The following MTERF4 variants were observed in gnomAD, a reference collection of about 807,000 sequenced individuals.
The protein encoded by MTERF4 is mitochondrial transcription termination factor 4.
In MTERF4, 17 loss-of-function variants were observed where a neutral mutation model predicts 22.5. The ratio of observed to expected loss-of-function variants is 0.75; its 90% CI spans 0.52 to 1.13. MTERF4 has a LOEUF of 1.13. MTERF4 is among the 50% of genes most tolerant of loss of function. MTERF4 has a pLI of 0.00. For missense variants in MTERF4, 420 were observed against 466.8 expected, an observed-to-expected ratio of 0.90 and a Z score of 0.92; for synonymous variants, 165 against 175.3, an observed-to-expected ratio of 0.94 and a Z score of 0.47.
the MTERF4 span, among the ~76,000 whole-genome samples, chr2:241,042,854 C>T: frequency 2.0e-5 from 3 of 152,162 alleles, no homozygotes; most frequent in Non-Finnish European, 4.4e-5. Flanking sequence ...AAGAGATCTT[C>T]AGCAACCTGC....
At chr2:241,045,701 A>G in the MTERF4 span, among the ~76,000 whole-genome samples, 1 of 147,546 alleles carries the variant, frequency 6.8e-6, no homozygotes, top group Non-Finnish European at 1.5e-5. Flanking sequence ...GATTTTTAGA[A>G]GAAAACATAG....
At chr2:241,097,903 G>A (rs539135756) in intron 2 of MTERF4, among the ~76,000 whole-genome samples, 5 of 152,162 alleles carry the variant, frequency 3.3e-5, no homozygotes, top group South Asian at 4.1e-4. Context: ...CATCACCATC[G>A]TCATCATAAC....
At chr2:241,090,203 A>C, downstream of MTERF4, 3 of 1,473,746 alleles carry the variant, frequency 2.0e-6, no homozygotes, top group Non-Finnish European at 2.7e-6. Context: ...CTGTTTTTAA[A>C]ATTTTTAATT....
the MTERF4 span, chr2:241,065,461 A>T: frequency 1.2e-6 from 2 of 1,613,032 alleles, no homozygotes; most frequent in Non-Finnish European, 1.7e-6. Flanking sequence ...GACTTTGTGG[A>T]CAGGACCCGC....
the MTERF4 span, chr2:241,065,679 TCATGCCGTC>T: frequency 8.3e-7 from 1 of 1,200,148 alleles, no homozygotes; most frequent in Non-Finnish European, 1.2e-6. Context: ...AGGGCGGCTG[TCATGCCGTC>T]CACCCTCCTA....
chr2:241,065,189 G>A, the MTERF4 span: 7 of 1,131,564 alleles, frequency 6.2e-6, no homozygotes, highest in Non-Finnish European at 8.8e-6. Context: ...TGCCAGCGAT[G>A]GCTGTGTCAG....
At position 241,096,332 on chromosome 2, in the gene MTERF4, A is replaced by G; in HGVS notation, c.812T>C (p.Leu271Pro). 6.2e-7 allele frequency: 1 copy of G among 1,614,214 alleles called. No individual in the cohort carries two copies. The highest frequency in any genetic ancestry group is 8.5e-7 in the Non-Finnish European group (1 of 1,180,050). Residue 271 changes from leucine (L) to proline (P), a missense_variant, in exon 4 of 4, where the codon CTG becomes CCG. Leu to Pro is a moderately conservative substitution (Grantham distance 98, BLOSUM62 -3). Coordinates refer to ENST00000391980, the MANE Select transcript of MTERF4 (RefSeq NM_182501.4). This position sits in a 1 kb window ranked among gnomAD's most constrained non-coding sequence, Gnocchi z 5.1. The part of the protein sequence containing the change: ...IKQRHIYLER[L>P]GRYQTPDKKG... ...CTTATCAGGGGTTTGGTACCGTCCC[A>G]GGCGCTCCAGGTAAATGTGTCTCTG...
chr2:241,048,883 C>G, the MTERF4 span: 3 of 1,178,676 alleles, frequency 2.5e-6, no homozygotes, highest in Non-Finnish European at 3.7e-6. Flanking sequence ...GTTCTACCCC[C>G]ACCCAGGAGG....
intron 4 of MTERF4, chr2:241,081,630 C>T: frequency 7.2e-7 from 1 of 1,386,578 alleles, no homozygotes; most frequent in Non-Finnish European, 1.0e-6. Flanking sequence ...TGAGGCAGGC[C>T]TGTCCTGGGG....
In MTERF4 at chr2:241,096,529, G is replaced by T; in HGVS notation, c.706-91C>A. On this transcript the variant is annotated intron_variant, in intron 3 of 3. Transcript: ENST00000391980. This position sits in a 1 kb window ranked among gnomAD's most constrained non-coding sequence, Gnocchi z 5.1. Reference sequence around the variant, plus strand: ...CATAAAAACTTAAGTTGTACAAAAGGATTCAAAAAGAATTGCCTAATTGAC... The same window carrying T: ...CATAAAAACTTAAGTTGTACAAAAGTATTCAAAAAGAATTGCCTAATTGAC... 7.1e-7 allele frequency: 1 copy of T among 1,413,388 alleles called. No individual in the cohort carries two copies. The highest frequency in any genetic ancestry group is 1.0e-6 in the Non-Finnish European group (1 of 1,000,752). The allele number at this position is 1,413,388 out of a possible 1,614,324, so 87.6% of individuals were successfully genotyped here.
chr2:241,066,910 G>A, the MTERF4 span, among the ~76,000 whole-genome samples: 3 of 152,208 alleles, frequency 2.0e-5, no homozygotes, highest in Non-Finnish European at 2.9e-5. Context: ...CCACCAAGGG[G>A]CTGGAGTTCC....
intron 4 of MTERF4, among the ~76,000 whole-genome samples, chr2:241,077,873 G>T (rs1384620143): frequency 6.6e-6 from 1 of 152,160 alleles, no homozygotes; most frequent in Non-Finnish European, 1.5e-5. Context: ...TACGCTGCTG[G>T]TGGGACTGTA....
the MTERF4 span, among the ~76,000 whole-genome samples, chr2:241,047,309 A>G: frequency 6.6e-6 from 1 of 152,352 alleles, no homozygotes; most frequent in African/African-American, 2.4e-5. Context: ...TCCAGAAGAC[A>G]TAACTCTAGA....
chr2:241,095,757 T>C lies in MTERF4; in HGVS notation c.*241A>G, dbSNP rs2064370198. 3.4e-6 allele frequency: 2 copies of C among 587,320 alleles called. No individual in the cohort carries two copies. The highest frequency in any genetic ancestry group is 2.9e-5 in the East Asian group (1 of 34,516). 36.4% of individuals were successfully genotyped at this position (587,320 alleles called of 1,614,324 possible). ...TGAATAGCTCAACATAAGTATCTTA[T>C]TCAGGATGGGACAGGGCCCTCCCCA... is the stretch of plus-strand genomic sequence containing the variant. On this transcript the variant is annotated 3_prime_UTR_variant, in exon 4 of 4. Transcript: ENST00000391980.
At chr2:241,053,729 C>T in the MTERF4 span, among the ~76,000 whole-genome samples, 1 of 152,186 alleles carries the variant, frequency 6.6e-6, no homozygotes, top group African/African-American at 2.4e-5. Context: ...ATCCCCCTTC[C>T]CCCTGCAGGC....
the MTERF4 span, chr2:241,064,753 G>A: frequency 1.1e-6 from 1 of 889,628 alleles, no homozygotes; most frequent in Non-Finnish European, 1.7e-6. This position sits in a 1 kb window ranked among gnomAD's most constrained non-coding sequence, Gnocchi z 7.0. Flanking sequence ...ACCCACGCAG[G>A]AGGGACCCAG....
At chr2:241,072,759 T>C (rs2062798074) in exon 5 of MTERF4, 1 of 187,918 alleles carries the variant, frequency 5.3e-6, no homozygotes, top group Non-Finnish European at 1.1e-5. Flanking sequence ...GGGGGGCCCG[T>C]TGTACTTGCA....
downstream of MTERF4, chr2:241,067,744 G>A (rs569150625): frequency 6.3e-7 from 1 of 1,587,644 alleles, no homozygotes; most frequent in South Asian, 1.1e-5. Context: ...GGCACCTGCT[G>A]AACAGTCCAT....
the MTERF4 span, chr2:241,052,177 AGGCCAGGGC>A: frequency 6.3e-7 from 1 of 1,599,286 alleles, no homozygotes; most frequent in South Asian, 1.1e-5. Context: ...GTGGGAGGCC[AGGCCAGGGC>A]GGCCAGGGGT....
Sources: allele counts gnomAD v4.1 joint callset (sites outside exome capture counted in the v4.1 genomes callset), GRCh38; gene constraint gnomAD v4.1.1; non-coding constraint Gnocchi (gnomAD v3.1); transcripts MANE v1.5; gene names NCBI Gene and HGNC (gene_info 2026-07-23, HGNC 2026-07-21).